The following KDM7A variants were observed in gnomAD, a reference collection of about 807,000 sequenced individuals.
The protein encoded by KDM7A is lysine demethylase 7A.
KDM7A carries 28 observed loss-of-function variants against 114.8 expected under a neutral mutation model. The observed-to-expected ratio is 0.24, with a 90% CI of 0.18 to 0.33. The LOEUF is 0.33. Ranked by LOEUF, KDM7A falls within the 10% of genes least tolerant of loss-of-function variation. KDM7A has a pLI of 1.00. For synonymous variants in KDM7A, 423 were observed against 397.8 expected (o/e 1.06, Z -0.75); for missense variants, 942 against 1,142.5 (o/e 0.82, Z 2.53).
intron 8 of KDM7A, 66 bp downstream of exon 8, chr7:140,120,376 G>GT: frequency 1.1e-6 from 1 of 902,716 alleles, no homozygotes; most frequent in Non-Finnish European, 1.8e-6. Flanking sequence ...TTTTTTTTAA[G>GT]TTAAAAAAAA....
chr7:140,162,291 C>A (rs759088849), intron 1 of KDM7A, among the ~76,000 whole-genome samples: 7 of 150,972 alleles, frequency 4.6e-5, no homozygotes, highest in Admixed American at 6.6e-5. Context: ...GCCAAGATTG[C>A]GCCATTGCAC....
Position 140,091,972 on chromosome 7 carries a change from T to G in KDM7A, c.2563A>C (p.Asn855His). The G allele has an allele frequency of 1.2e-6, 2 of 1,614,068 alleles. No individual in the cohort carries two copies. Among genetic ancestry groups the G allele is most frequent in the Non-Finnish European group, 1.7e-6 (2 of 1,179,986 alleles). The stretch of plus-strand genomic sequence containing the variant: ...TTTGAATTCTGCATATACTTTCCAT[T>G]CTGAAGGCTTGAGCCGCTGCTGTCC... ...YVDSSGSSLQ[N>H]GKYMQNSNLT... The change falls in exon 19 of 20, where the codon AAT (asparagine) becomes CAT (histidine). Residue 855 changes from asparagine (N) to histidine (H), a missense_variant. Physicochemically the swap from Asn to His is moderately conservative, Grantham distance 68. This residue lies in a region of KDM7A where 512 missense variants were observed against 576.6 expected (regional missense o/e 0.89). Coordinates refer to ENST00000397560, the MANE Select transcript of KDM7A (RefSeq NM_030647.2).
intron 6 of KDM7A, among the ~76,000 whole-genome samples, chr7:140,125,416 C>T (rs1442374288): frequency 6.6e-6 from 1 of 152,214 alleles, no homozygotes; most frequent in East Asian, 1.9e-4. Context: ...CTACTGAGCA[C>T]TTGAAATGTG....
chr7:140,148,133 T>C (rs768124689), intron 1 of KDM7A, among the ~76,000 whole-genome samples: 7 of 151,872 alleles, frequency 4.6e-5, no homozygotes, highest in Non-Finnish European at 1.0e-4. Flanking sequence ...AAATAGGAAC[T>C]AGGCTTTTAT....
At chr7:140,157,862 G>A (rs1204941522) in intron 1 of KDM7A, among the ~76,000 whole-genome samples, 3 of 151,348 alleles carry the variant, frequency 2.0e-5, no homozygotes, top group South Asian at 2.1e-4. Context: ...CCAGCTACTC[G>A]AGAGGCCAAG....
At chr7:140,113,817 A>G (rs1260346244) in intron 9 of KDM7A, among the ~76,000 whole-genome samples, 1 of 152,150 alleles carries the variant, frequency 6.6e-6, no homozygotes, top group Non-Finnish European at 1.5e-5. Flanking sequence ...ATTGGATTTA[A>G]TTTTTTTGTG....
chr7:140,150,262 A>T (rs184688101), intron 1 of KDM7A, among the ~76,000 whole-genome samples: 1 of 152,342 alleles, frequency 6.6e-6, no homozygotes, highest in East Asian at 1.9e-4. Flanking sequence ...AAGAAGAAAC[A>T]TTATACAAAA....
chr7:140,171,568 T>C (rs1473281153), intron 1 of KDM7A, among the ~76,000 whole-genome samples: 1 of 112,716 alleles, frequency 8.9e-6, no homozygotes, highest in Non-Finnish European at 1.9e-5. Context: ...TTTTTATATA[T>C]TTATATATAT....
At chr7:140,127,205 C>T (rs952129048) in intron 5 of KDM7A, among the ~76,000 whole-genome samples, 4 of 152,236 alleles carry the variant, frequency 2.6e-5, no homozygotes, top group Admixed American at 2.6e-4. Context: ...AAGCGATCCA[C>T]TCGCCTTGGC....
At chr7:140,118,922 T>C (rs1818574909) in intron 9 of KDM7A, among the ~76,000 whole-genome samples, 191 bp downstream of exon 9, 1 of 152,298 alleles carries the variant, frequency 6.6e-6, no homozygotes, top group Middle Eastern at 3.4e-3. Context: ...ACATGGATTG[T>C]CAGGTTATGG....
intron 1 of KDM7A, among the ~76,000 whole-genome samples, chr7:140,149,368 GAC>G (rs1165974213): frequency 6.6e-6 from 1 of 152,132 alleles, no homozygotes; most frequent in African/African-American, 2.4e-5. Context: ...TGACATCTTG[GAC>G]ACAGAGTAAC....
At chr7:140,098,848 G>C (rs555169185) in intron 14 of KDM7A, 31 bp downstream of exon 14, 1 of 1,556,546 alleles carries the variant, frequency 6.4e-7, no homozygotes, top group South Asian at 1.1e-5. Context: ...GTAATCAAAA[G>C]ATCTTTAAAA....
rs1189620005 is a variant in KDM7A, at chr7:140,119,204, C to T, written c.1155G>A (p.Glu385=). The stretch of plus-strand genomic sequence containing the variant: ...AAAGATCTGGTGTTTTTAGCCTTTT[C>T]TCCATCTCATAACACCTAAATGAGT... ...IGMQLRCYEM[E]KRLKTPDLFK... is the part of the protein sequence containing the mutation. Residue 385 remains glutamate (E), a synonymous_variant, in exon 9 of 20, where the codon GAG becomes GAA. Coordinates refer to ENST00000397560, the MANE Select transcript of KDM7A (RefSeq NM_030647.2). 6.2e-6 allele frequency: 10 copies of T among 1,601,040 alleles called. No homozygotes were observed. The highest frequency in any genetic ancestry group is 7.7e-6 in the Non-Finnish European group (9 of 1,170,630).
intron 3 of KDM7A, among the ~76,000 whole-genome samples, chr7:140,131,261 T>G (rs1818782136): frequency 6.6e-6 from 1 of 152,168 alleles, no homozygotes; most frequent in African/African-American, 2.4e-5. Context: ...GGCATTACAT[T>G]AACATAAGTG....
At chr7:140,126,526 A>AC in intron 6 of KDM7A, 111 bp downstream of exon 6, 4 of 598,640 alleles carry the variant, frequency 6.7e-6, no homozygotes, top group Non-Finnish European at 1.0e-5. Flanking sequence ...TAAAAAAAAA[A>AC]AAAAAAACTT....
Position 140,176,647 on chromosome 7 carries a change from G to C in KDM7A, c.194+97C>G. On this transcript the variant is annotated intron_variant, in intron 1 of 19. Transcript: ENST00000397560. The surrounding 1 kb of genome is among the most constrained non-coding windows in gnomAD (Gnocchi z 4.4). The stretch of plus-strand genomic sequence containing the variant: ...GCCCCCTGAAAGCTGGGCGCGGCGC[G>C]GCGGCCCGGCCCGAGGGAGGCGCGG... 6 of 904,172 alleles carry C rather than the reference G, an allele frequency of 6.6e-6. No individual in the cohort carries two copies. The highest frequency in any genetic ancestry group is 8.0e-6 in the Non-Finnish European group (6 of 750,044). The allele number at this position is 904,172 out of a possible 1,614,324, so 56.0% of individuals were successfully genotyped here.
Position 140,086,509 on chromosome 7 carries a change from A to C in KDM7A, c.*4585T>G, listed in dbSNP as rs1380274412. The stretch of plus-strand genomic sequence containing the variant: ...TTTAAAATTTATGTTAAGGATATCA[A>C]ATATTTGACTTTACAGCATGAAAAA... On this transcript the variant is annotated 3_prime_UTR_variant, in exon 20 of 20. Coordinates refer to ENST00000397560, the MANE Select transcript of KDM7A (RefSeq NM_030647.2). The C allele has an allele frequency of 6.6e-6, 1 of 152,192 alleles. No homozygotes were observed. Among genetic ancestry groups the C allele is most frequent in the Non-Finnish European group, 1.5e-5 (1 of 68,028 alleles). 9.4% of individuals were successfully genotyped at this position (152,192 alleles called of 1,614,324 possible).
chr7:140,113,324 C>T (rs1818463026), intron 10 of KDM7A, among the ~76,000 whole-genome samples, 167 bp downstream of exon 10: 1 of 152,072 alleles, frequency 6.6e-6, no homozygotes, highest in East Asian at 1.9e-4. Context: ...TAAAAGAAGC[C>T]AGTACATTTG....
chr7:140,118,508 G>A (rs542049183), intron 9 of KDM7A, among the ~76,000 whole-genome samples: 7 of 151,380 alleles, frequency 4.6e-5, no homozygotes, highest in Non-Finnish European at 7.4e-5. Context: ...GGGTTCAAGC[G>A]ATTCTTCCTG....
Sources: allele counts gnomAD v4.1 joint callset (sites outside exome capture counted in the v4.1 genomes callset), GRCh38; gene constraint gnomAD v4.1.1; regional missense constraint gnomAD v4.1.1; non-coding constraint Gnocchi (gnomAD v3.1); transcripts MANE v1.5; gene names NCBI Gene and HGNC (gene_info 2026-07-23, HGNC 2026-07-21).